The following ZNF438 variants were observed in gnomAD, a reference collection of about 807,000 sequenced individuals.
ZNF438 encodes zinc finger protein 438.
Under a neutral mutation model 38.0 loss-of-function variants are expected in ZNF438, and 25 were observed. The ratio of observed to expected loss-of-function variants is 0.66; its 90% confidence interval spans 0.48 to 0.92. The LOEUF is 0.92. ZNF438 is among the 40% of genes least tolerant of loss of function. ZNF438 has a pLI of 0.00. For synonymous variants in ZNF438, 372 were observed against 364.1 expected, an observed-to-expected ratio of 1.02 and a Z score of -0.25; for missense variants, 1,007 against 999.6, an observed-to-expected ratio of 1.01 and a Z score of -0.10.
intron 1 of ZNF438, among the ~76,000 whole-genome samples, chr10:30,980,397 T>C (rs1319316142): frequency 6.6e-6 from 1 of 151,186 alleles, no homozygotes; most frequent in African/African-American, 2.4e-5. Flanking sequence ...GCAGTAAGGG[T>C]GAGGAGTGGG....
chr10:30,956,401 T>C (rs979368174), intron 1 of ZNF438, among the ~76,000 whole-genome samples: 1 of 152,232 alleles, frequency 6.6e-6, no homozygotes, highest in African/African-American at 2.4e-5. Context: ...TGTGGTATTC[T>C]GATACTTGTC....
At chr10:30,864,400 G>A (rs1199309130) in intron 4 of ZNF438, among the ~76,000 whole-genome samples, 2 of 152,154 alleles carry the variant, frequency 1.3e-5, no homozygotes, top group African/African-American at 2.4e-5. Context: ...CAGGGAGGCT[G>A]GCCTGTGACC....
chr10:30,895,194 C>T (rs74347094), intron 3 of ZNF438, among the ~76,000 whole-genome samples: 1,986 of 152,192 alleles, frequency 0.013, 51 homozygotes, highest in African/African-American at 0.045. Context: ...CTTTGTTTTC[C>T]TATATTTGCC....
intron 4 of ZNF438, among the ~76,000 whole-genome samples, chr10:30,868,409 T>C: frequency 6.6e-6 from 1 of 152,162 alleles, no homozygotes; most frequent in East Asian, 1.9e-4. Context: ...CAAAGTCATT[T>C]AAAATTATTT....
At chr10:30,868,086 T>C (rs988525130) in intron 4 of ZNF438, among the ~76,000 whole-genome samples, 4 of 152,052 alleles carry the variant, frequency 2.6e-5, no homozygotes, top group Non-Finnish European at 5.9e-5. Flanking sequence ...TTTTTTTTTT[T>C]GAGACGGAGT....
intron 1 of ZNF438, among the ~76,000 whole-genome samples, chr10:31,011,736 A>G (rs949759451): frequency 1.3e-5 from 2 of 152,186 alleles, no homozygotes; most frequent in African/African-American, 4.8e-5. Flanking sequence ...TTGTCCTTCT[A>G]CCTCTCTGGA....
intron 1 of ZNF438, among the ~76,000 whole-genome samples, chr10:30,963,269 G>A (rs2049708345): frequency 1.3e-5 from 2 of 151,578 alleles, no homozygotes. Flanking sequence ...GCGGGCATCT[G>A]TAATCCCAGC....
At chr10:30,944,947 T>C (rs972609220) in intron 1 of ZNF438, among the ~76,000 whole-genome samples, 1 of 152,152 alleles carries the variant, frequency 6.6e-6, no homozygotes, top group Non-Finnish European at 1.5e-5. Flanking sequence ...TCTTTTTTTT[T>C]CTTAGTAGGG....
Position 30,881,708 on chromosome 10 carries a change from A to G in ZNF438, c.-31-4643T>C, listed in dbSNP as rs529063464. 3.3e-5 allele frequency among the ~76,000 whole-genome samples: 5 copies of G among 152,228 alleles called. No individual in the cohort carries two copies. The South Asian group carries it at 1.0e-3, about 32-fold the overall frequency. Reference sequence around the variant, plus strand: ...TAAAAAAGAAGAAAGAAATCAGACTAATGCTACTTTAGTTTCAAGAAAGAG... The same window carrying G: ...TAAAAAAGAAGAAAGAAATCAGACTGATGCTACTTTAGTTTCAAGAAAGAG... On this transcript the variant is annotated intron_variant, in intron 3 of 5. Coordinates refer to ENST00000413025, the Ensembl canonical transcript of ZNF438.
intron 1 of ZNF438, among the ~76,000 whole-genome samples, chr10:30,993,798 C>T (rs915331078): frequency 2.6e-5 from 4 of 152,268 alleles, no homozygotes; most frequent in Non-Finnish European, 5.9e-5. Flanking sequence ...CCTACAAGGG[C>T]TGACATATGG....
Position 30,845,524 on chromosome 10 carries a change from C to T in ZNF438, c.1924G>A (p.Glu642Lys), listed in dbSNP as rs35170728. Residue 642 changes from glutamate to lysine, a missense_variant, in exon 6 of 6, where the codon GAA becomes AAA. Glu to Lys is a moderately conservative substitution (Grantham distance 56, BLOSUM62 1). Coordinates refer to ENST00000413025, the Ensembl canonical transcript of ZNF438. Reference sequence around the variant, plus strand: ...CCACATTTGATTTGTAATTTGACTTCGTCTGCCTGGTTTAGAAGGAAGTCT... The same window carrying T: ...CCACATTTGATTTGTAATTTGACTTTGTCTGCCTGGTTTAGAAGGAAGTCT... The T allele has an allele frequency of 1.2e-5, 19 of 1,613,810 alleles. No homozygotes were observed. In the African/African-American group the frequency reaches 1.2e-4, roughly 10 times the overall value.
At chr10:30,959,582 CAAA>C (rs760298159) in intron 1 of ZNF438, among the ~76,000 whole-genome samples, 1 of 123,166 alleles carries the variant, frequency 8.1e-6, no homozygotes, top group Non-Finnish European at 1.8e-5. Flanking sequence ...ACTAAAAATA[CAAA>C]AAAAAAAAAA....
chr10:30,933,885 G>A (rs772445308), intron 2 of ZNF438, among the ~76,000 whole-genome samples: 90 of 152,216 alleles, frequency 5.9e-4, no homozygotes, highest in Middle Eastern at 3.4e-3. Context: ...GGTGGCTCAC[G>A]CCTGTAATCC....
chr10:30,847,993 G>A (rs574816615), intron 5 of ZNF438, among the ~76,000 whole-genome samples: 4 of 152,306 alleles, frequency 2.6e-5, no homozygotes, highest in Admixed American at 6.5e-5. Flanking sequence ...AGGCCAAGGC[G>A]CCACTGGCCA....
chr10:30,948,232 C>T (rs4620620), intron 1 of ZNF438, among the ~76,000 whole-genome samples: 61,528 of 151,940 alleles, frequency 0.4, 12,668 homozygotes, highest in Admixed American at 0.44. Context: ...AAGACATCCC[C>T]ACCAAAAACC....
chr10:30,979,134 G>T (rs1187993099), intron 1 of ZNF438, among the ~76,000 whole-genome samples: 1 of 152,164 alleles, frequency 6.6e-6, no homozygotes, highest in African/African-American at 2.4e-5. Context: ...CAGAGAAAAA[G>T]ATTCCTTTCA....
chr10:30,946,442 TCATCTGACAAAGGGCTAATATC>T (rs2047420032), intron 1 of ZNF438, among the ~76,000 whole-genome samples: 1 of 152,034 alleles, frequency 6.6e-6, no homozygotes, highest in Non-Finnish European at 1.5e-5. Context: ...CGCAACCTAC[TCATCTGACAAAGGGCTAATATC>T]CAGAATCTAC....
chr10:30,845,633 C>T, intron 5 of ZNF438, 60 bp from the exon 7 acceptor site: 1 of 1,546,002 alleles, frequency 6.5e-7, no homozygotes, highest in Non-Finnish European at 8.7e-7. Context: ...TGGAATCTTT[C>T]CTCTCAGCTG....
chr10:30,897,392 G>A (rs2041478586), intron 3 of ZNF438, among the ~76,000 whole-genome samples: 2 of 152,168 alleles, frequency 1.3e-5, no homozygotes, highest in Non-Finnish European at 2.9e-5. Context: ...AGAAAGGCAG[G>A]GAGTTTCAGG....
Sources: allele counts gnomAD v4.1 joint callset (sites outside exome capture counted in the v4.1 genomes callset), GRCh38; gene constraint gnomAD v4.1.1; transcripts MANE v1.5; gene names NCBI Gene and HGNC (gene_info 2026-07-23, HGNC 2026-07-21).